The following FHOD3 variants were observed in gnomAD, a reference collection of about 807,000 sequenced individuals.
FHOD3 encodes the protein formin homology 2 domain containing 3, also known as FH1/FH2 domain-containing protein 3.
A neutral mutation model predicts 173.0 loss-of-function variants in FHOD3; 90 were observed. That is an observed-to-expected ratio of 0.52 (90% CI 0.44 to 0.62). The LOEUF is 0.62. FHOD3 is among the 20% of genes least tolerant of loss of function. The probability of loss-of-function intolerance (pLI) is 0.00; values close to 1 mark genes in which losing one functional copy is unlikely to be tolerated. For synonymous variants in FHOD3, 828 were observed against 823.0 expected, an observed-to-expected ratio of 1.01 and a Z score of -0.10; for missense variants, 1,945 against 2,034.7, an observed-to-expected ratio of 0.96 and a Z score of 0.85.
At position 36,311,531 on chromosome 18, in the gene FHOD3, C is replaced by G. The variant is rs528766384; in HGVS notation, c.165+13531C>G. ...GGGCTGTTGTGGACAAACACAAGGT[C>G]CTCATATTTTTTGTATGTCACAGGA... On this transcript the variant is annotated intron_variant, in intron 1 of 28. Coordinates refer to ENST00000590592, the MANE Select transcript of FHOD3 (RefSeq NM_001281740.3). Among the ~76,000 whole-genome samples, 361 of 152,292 alleles carry G rather than the reference C, an allele frequency of 2.4e-3. 1 individual carries two copies. The highest frequency in any genetic ancestry group is 4.1e-3 in the Non-Finnish European group (281 of 68,024).
At chr18:36,424,012 A>G (rs904937072) in intron 3 of FHOD3, among the ~76,000 whole-genome samples, 7 of 152,222 alleles carry the variant, frequency 4.6e-5, no homozygotes, top group Non-Finnish European at 7.3e-5. Context: ...GCTCTAGGTG[A>G]ATGCAGAAAA....
chr18:36,671,888 G>A (rs958865307), intron 14 of FHOD3, among the ~76,000 whole-genome samples: 4 of 152,174 alleles, frequency 2.6e-5, no homozygotes, highest in African/African-American at 9.7e-5. Context: ...AACAGTGAAG[G>A]AACGAACCAA....
intron 14 of FHOD3, among the ~76,000 whole-genome samples, chr18:36,660,353 T>A (rs1172163926): frequency 6.6e-6 from 1 of 152,110 alleles, no homozygotes; most frequent in Non-Finnish European, 1.5e-5. Flanking sequence ...CTGAGACCAC[T>A]GGAGCTGTTC....
chr18:36,500,777 A>G (rs768856640), intron 3 of FHOD3, among the ~76,000 whole-genome samples: 3 of 152,212 alleles, frequency 2.0e-5, no homozygotes. Context: ...TCACTGTGGT[A>G]TCCTAGTGCC....
intron 3 of FHOD3, among the ~76,000 whole-genome samples, chr18:36,477,189 A>C (rs138118845): frequency 2.0e-5 from 3 of 152,260 alleles, no homozygotes; most frequent in Non-Finnish European, 4.4e-5. Flanking sequence ...AAGGGTGGTC[A>C]GACCTGTCTC....
chr18:36,317,495 A>C (rs1384931857), intron 1 of FHOD3, among the ~76,000 whole-genome samples: 1 of 151,616 alleles, frequency 6.6e-6, no homozygotes, highest in South Asian at 2.1e-4. Context: ...GCATTTTTTC[A>C]TATGTCTGTT....
In FHOD3 at chr18:36,687,041, T is replaced by C. The variant is rs1447242176; in HGVS notation, c.1971-87T>C. 9 of 982,032 alleles carry C rather than the reference T, an allele frequency of 9.2e-6. No homozygotes were observed. In the South Asian group the frequency reaches 1.2e-4, roughly 13 times the overall value. The allele number at this position is 982,032 out of a possible 1,614,324, so 60.8% of individuals were successfully genotyped here. A position where few individuals can be genotyped will look rare whatever the true frequency, so the allele number is the denominator to read the frequency against. ...GAGGCAGTGCCAGTCTTTCATGATA[T>C]ACTGTTTATAATTTATTGGTAATTT... On this transcript the variant is annotated intron_variant, in intron 15 of 28. Transcript: ENST00000590592.
chr18:36,518,642 C>T (rs1212125319), intron 5 of FHOD3, among the ~76,000 whole-genome samples: 1 of 152,168 alleles, frequency 6.6e-6, no homozygotes, highest in African/African-American at 2.4e-5. Context: ...GAATTATGAA[C>T]ATTTAAAAAC....
chr18:36,640,354 C>T (rs1399432366), intron 10 of FHOD3, among the ~76,000 whole-genome samples: 1 of 152,108 alleles, frequency 6.6e-6, no homozygotes, highest in Non-Finnish European at 1.5e-5. Flanking sequence ...TTCAAGTTGG[C>T]CAGATATTTG....
At chr18:36,537,120 T>C (rs1202191784) in intron 5 of FHOD3, among the ~76,000 whole-genome samples, 1 of 152,142 alleles carries the variant, frequency 6.6e-6, no homozygotes, top group African/African-American at 2.4e-5. Context: ...TAGCTTCAGG[T>C]GTAGCTTCCA....
At chr18:36,707,110 T>G (rs1311529982) in intron 17 of FHOD3, among the ~76,000 whole-genome samples, 2 of 152,252 alleles carry the variant, frequency 1.3e-5, no homozygotes, top group African/African-American at 4.8e-5. Context: ...GAAGAGTGTA[T>G]GATGCTCTCA....
At chr18:36,617,505 T>C (rs1187263411) in intron 9 of FHOD3, among the ~76,000 whole-genome samples, 1 of 152,100 alleles carries the variant, frequency 6.6e-6, no homozygotes, top group Non-Finnish European at 1.5e-5. Flanking sequence ...TTATCTGCTC[T>C]GCTCTGAACA....
intron 5 of FHOD3, among the ~76,000 whole-genome samples, chr18:36,541,399 T>C (rs2147109665): frequency 6.6e-6 from 1 of 151,700 alleles, no homozygotes; most frequent in South Asian, 2.1e-4. Context: ...GGTAACAAAA[T>C]GAGACCCTGT....
chr18:36,592,229 A>C (rs2059243571), intron 6 of FHOD3, among the ~76,000 whole-genome samples: 1 of 152,142 alleles, frequency 6.6e-6, no homozygotes, highest in Admixed American at 6.6e-5. Flanking sequence ...AAAAAAAATA[A>C]ATAAATCAGG....
chr18:36,775,803 A>C (rs2043606613), intron 28 of FHOD3, among the ~76,000 whole-genome samples: 1 of 152,230 alleles, frequency 6.6e-6, no homozygotes, highest in Admixed American at 6.5e-5. Context: ...TGACACCGTG[A>C]GAACTGTCAC....
At chr18:36,482,102 G>C (rs191048803) in intron 3 of FHOD3, among the ~76,000 whole-genome samples, 2 of 152,254 alleles carry the variant, frequency 1.3e-5, no homozygotes, top group African/African-American at 4.8e-5. Context: ...AAGATAAGAG[G>C]AAGAGGGAAG....
At chr18:36,611,681 ATCATGGGAGTGCCCCCCTC>A (rs1435406254) in intron 8 of FHOD3, among the ~76,000 whole-genome samples, 4 of 152,124 alleles carry the variant, frequency 2.6e-5, no homozygotes, top group Non-Finnish European at 4.4e-5. Context: ...ATGTAACCTA[ATCATGGGAGTGCCCCCCTC>A]TCATGGGAGT....
At position 36,490,658 on chromosome 18, in the gene FHOD3, A is replaced by G. The variant is rs144394837; in HGVS notation, c.338-11274A>G. 9.1e-3 allele frequency among the ~76,000 whole-genome samples: 1,380 copies of G among 152,304 alleles called. 21 individuals are homozygous for G. The highest frequency in any genetic ancestry group is 0.032 in the African/African-American group (1,312 of 41,548). On this transcript the variant is annotated intron_variant, in intron 3 of 28. Coordinates refer to ENST00000590592, the MANE Select transcript of FHOD3 (RefSeq NM_001281740.3). The stretch of plus-strand genomic sequence containing the variant: ...ACCTTTCTGGGTTTCAGCTCCTGCA[A>G]TACTGGGCTGTCCTCTTTGTTGACA...
At chr18:36,578,536 C>G (rs1193303467) in intron 6 of FHOD3, among the ~76,000 whole-genome samples, 3 of 152,168 alleles carry the variant, frequency 2.0e-5, no homozygotes, top group Non-Finnish European at 2.9e-5. Context: ...TCCCTGTGTT[C>G]ACTGCCCACC....
Sources: allele counts gnomAD v4.1 joint callset (sites outside exome capture counted in the v4.1 genomes callset), GRCh38; gene constraint gnomAD v4.1.1; transcripts MANE v1.5; gene names NCBI Gene and HGNC (gene_info 2026-07-23, HGNC 2026-07-21).